The following DNAH7 variants were observed in gnomAD, a reference collection of about 807,000 sequenced individuals.
DNAH7 encodes the protein axonemal beta dynein heavy chain 7.
Under a neutral mutation model 444.6 loss-of-function variants are expected in DNAH7, and 397 were observed. The observed-to-expected ratio is 0.89, with a 90% CI of 0.82 to 0.97. DNAH7 has a LOEUF of 0.97. Among genes scored for constraint, DNAH7 ranks in the 50% least tolerant of loss-of-function variants. DNAH7 has a pLI of 0.00. For synonymous variants in DNAH7, 1,636 were observed against 1,624.4 expected (o/e 1.01, Z -0.17); for missense variants, 4,902 against 4,800.8 (o/e 1.02, Z -0.62).
Position 196,002,989 on chromosome 2 carries a change from C to T in DNAH7, c.990-1131G>A, listed in dbSNP as rs1302438967. Among the ~76,000 whole-genome samples, 8 of 146,316 alleles carry T rather than the reference C, an allele frequency of 5.5e-5. No homozygotes were observed. In the East Asian group the frequency reaches 8.0e-4, roughly 15 times the overall value. ...TTCCATTCCACTCCAGCCTGGGTGA[C>T]GAGAGTGAAACTCCGTCTCAAAAAG... On this transcript the variant is annotated intron_variant, in intron 10 of 64. Coordinates refer to ENST00000312428, the MANE Select transcript of DNAH7 (RefSeq NM_018897.3).
In DNAH7 at chr2:195,863,265, G is replaced by A. The variant is rs578131538; in HGVS notation, c.7506+884C>T. 3.7e-4 allele frequency among the ~76,000 whole-genome samples: 57 copies of A among 152,322 alleles called. 1 individual carries two copies. Among genetic ancestry groups the A allele is most frequent in the Admixed American group, 7.2e-4 (11 of 15,308 alleles). ...AATTTTACCAGGAAGTAGAGATACA[G>A]AGAGGTTCTGTAAACTTTCCAAGGT... On this transcript the variant is annotated intron_variant, in intron 41 of 64. Transcript: ENST00000312428.
intron 61 of DNAH7, among the ~76,000 whole-genome samples, chr2:195,761,465 A>G (rs910468368): frequency 6.6e-6 from 1 of 152,180 alleles, no homozygotes; most frequent in East Asian, 1.9e-4. Context: ...AGAGAATGAT[A>G]TCAATATTCA....
chr2:195,831,315 T>C (rs1455221615), intron 48 of DNAH7, among the ~76,000 whole-genome samples: 1 of 152,304 alleles, frequency 6.6e-6, no homozygotes, highest in Non-Finnish European at 1.5e-5. Flanking sequence ...TATCATAAAC[T>C]GCAATATAAA....
chr2:195,806,502 CAAAT>C (rs879814762), intron 54 of DNAH7, among the ~76,000 whole-genome samples: 18 of 152,050 alleles, frequency 1.2e-4, no homozygotes, highest in Non-Finnish European at 2.4e-4. Flanking sequence ...AAATTAAAAA[CAAAT>C]AATCACAAAA....
At chr2:195,793,848 T>C (rs536733490) in intron 57 of DNAH7, among the ~76,000 whole-genome samples, 1 of 152,312 alleles carries the variant, frequency 6.6e-6, no homozygotes, top group Non-Finnish European at 1.5e-5. Flanking sequence ...ATTCTAATCA[T>C]GAAAGCAGTG....
At chr2:195,921,752 A>G (rs551758941) in intron 24 of DNAH7, among the ~76,000 whole-genome samples, 1 of 152,318 alleles carries the variant, frequency 6.6e-6, no homozygotes, top group South Asian at 2.1e-4. Context: ...AATAATAAAA[A>G]TATCAATTTT....
intron 21 of DNAH7, among the ~76,000 whole-genome samples, chr2:195,931,256 C>T (rs1196524844): frequency 6.6e-6 from 1 of 152,150 alleles, no homozygotes; most frequent in Non-Finnish European, 1.5e-5. Context: ...TATTCTTCCC[C>T]ACTTGTTGAT....
chr2:195,861,679 G>T, intron 42 of DNAH7, 38 bp downstream of exon 42: 4 of 1,435,060 alleles, frequency 2.8e-6, no homozygotes, highest in Non-Finnish European at 3.9e-6. Flanking sequence ...ATTTTTAATT[G>T]CCATAGCTTA....
chr2:195,875,587 C>T, intron 38 of DNAH7, 88 bp downstream of exon 38: 2 of 1,296,966 alleles, frequency 1.5e-6, no homozygotes, highest in South Asian at 3.0e-5. Flanking sequence ...AACACTGCAA[C>T]TCAAAAGAGG....
chr2:195,777,772 T>G (rs1695129050), intron 59 of DNAH7, 28 bp downstream of exon 59: 6 of 1,576,970 alleles, frequency 3.8e-6, no homozygotes, highest in Non-Finnish European at 5.2e-6. Context: ...GTCTTACTGC[T>G]TTTAGTTTTT....
intron 60 of DNAH7, 152 bp from the exon 61 acceptor site, chr2:195,772,042 G>C: frequency 1.5e-6 from 1 of 688,906 alleles, no homozygotes. Flanking sequence ...TAAAGTGATG[G>C]TAACAGGCAG....
chr2:195,789,212 A>G (rs568163116), intron 57 of DNAH7, among the ~76,000 whole-genome samples: 1 of 152,200 alleles, frequency 6.6e-6, no homozygotes, highest in African/African-American at 2.4e-5. Flanking sequence ...CAGAGGAAGC[A>G]GTTTGAAGGA....
Position 195,808,831 on chromosome 2 carries a change from G to C in DNAH7, c.9934C>G (p.Leu3312Val), listed in dbSNP as rs200669357. 1.9e-5 allele frequency: 30 copies of C among 1,613,760 alleles called. No individual in the cohort carries two copies. The East Asian group carries it at 6.7e-4, about 36-fold the overall frequency. ...CAAAGGTTGGCATAAGGATTATCCA[G>C]TCCAATGCCACCAGTTAGCAGAAAT... The part of the protein sequence containing the change: ...WRFLLTGGIG[L>V]DNPYANLCTW... The change falls in exon 53 of 65, where the codon CTG (leucine) becomes GTG (valine). Residue 3312 changes from leucine to valine, a missense_variant. Coordinates refer to ENST00000312428, the MANE Select transcript of DNAH7 (RefSeq NM_018897.3).
At chr2:195,981,761 A>G (rs1321185034) in intron 15 of DNAH7, among the ~76,000 whole-genome samples, 1 of 152,252 alleles carries the variant, frequency 6.6e-6, no homozygotes, top group Non-Finnish European at 1.5e-5. Flanking sequence ...GGATATTCAT[A>G]TGCAGAAGAA....
At chr2:195,939,327 T>C (rs888241798) in intron 19 of DNAH7, among the ~76,000 whole-genome samples, 1 of 152,106 alleles carries the variant, frequency 6.6e-6, no homozygotes, top group African/African-American at 2.4e-5. Flanking sequence ...AAGAAAGGTA[T>C]TTATCATAGT....
At chr2:196,066,043 C>T (rs1177966851) in intron 1 of DNAH7, among the ~76,000 whole-genome samples, 1 of 152,178 alleles carries the variant, frequency 6.6e-6, no homozygotes, top group Non-Finnish European at 1.5e-5. Flanking sequence ...TATAATTTTA[C>T]ATTCTAAAAT....
At chr2:195,898,376 T>C (rs1225944973) in intron 28 of DNAH7, among the ~76,000 whole-genome samples, 1 of 152,102 alleles carries the variant, frequency 6.6e-6, no homozygotes, top group Non-Finnish European at 1.5e-5. Flanking sequence ...TTCTGATAAA[T>C]TTTTAAGTTT....
intron 7 of DNAH7, among the ~76,000 whole-genome samples, chr2:196,024,982 G>T (rs1159283630): frequency 6.6e-6 from 1 of 152,012 alleles, no homozygotes; most frequent in Non-Finnish European, 1.5e-5. Flanking sequence ...CAATAAAAAT[G>T]ATACAAATAA....
intron 64 of DNAH7, among the ~76,000 whole-genome samples, chr2:195,739,453 T>C (rs927311575): frequency 3.3e-5 from 5 of 152,236 alleles, no homozygotes. Flanking sequence ...ACCCTTCAAA[T>C]TGCTATTTTC....
Sources: allele counts gnomAD v4.1 joint callset (sites outside exome capture counted in the v4.1 genomes callset), GRCh38; gene constraint gnomAD v4.1.1; transcripts MANE v1.5; gene names NCBI Gene and HGNC (gene_info 2026-07-23, HGNC 2026-07-21).